The following RAB3C variants were observed in gnomAD, a reference collection of about 807,000 sequenced individuals.
RAB3C encodes ras-related protein Rab-3C.
A neutral mutation model predicts 26.4 loss-of-function variants in RAB3C; 17 were observed. The ratio of observed to expected loss-of-function variants is 0.64; its 90% CI spans 0.44 to 0.97. The LOEUF is 0.97. Ranked by LOEUF, RAB3C falls within the 50% of genes least tolerant of loss-of-function variation. RAB3C has a pLI of 0.00. For missense variants in RAB3C, 242 were observed against 281.9 expected (o/e 0.86, Z 1.01); for synonymous variants, 91 against 95.9 (o/e 0.95, Z 0.30).
At chr5:58,677,497 G>T (rs1425332441) in intron 2 of RAB3C, among the ~76,000 whole-genome samples, 1 of 152,140 alleles carries the variant, frequency 6.6e-6, no homozygotes, top group Non-Finnish European at 1.5e-5. Context: ...TAAGACAGGG[G>T]GAAGAATGCA....
At position 58,625,731 on chromosome 5, in the gene RAB3C, C is replaced by A. The variant is rs552004793; in HGVS notation, c.252+7861C>A. Among the ~76,000 whole-genome samples, 3 of 152,076 alleles carry A rather than the reference C, an allele frequency of 2.0e-5. No homozygotes were observed. The South Asian group carries it at 6.2e-4, about 32-fold the overall frequency. ...AATTAGCCGGGTGTTGTGGTGCACGCCTGTAATCCCAGCTACTTAGGAGGC... is the reference window on the plus strand; with the variant it reads ...AATTAGCCGGGTGTTGTGGTGCACGACTGTAATCCCAGCTACTTAGGAGGC... On this transcript the variant is annotated intron_variant, in intron 2 of 4. Transcript: ENST00000282878.
intron 2 of RAB3C, among the ~76,000 whole-genome samples, chr5:58,629,006 C>T (rs1229021888): frequency 2.0e-5 from 2 of 101,338 alleles, no homozygotes; most frequent in African/African-American, 7.9e-5. Context: ...GCTTGGGCAA[C>T]ATAGTGAGAC....
chr5:58,612,527 T>C (rs1266849254), intron 1 of RAB3C, among the ~76,000 whole-genome samples: 1 of 21,444 alleles, frequency 4.7e-5, no homozygotes, highest in Non-Finnish European at 9.2e-5. Flanking sequence ...TGTGTATATA[T>C]ATATATATAT....
chr5:58,604,141 C>T (rs969151640), intron 1 of RAB3C, among the ~76,000 whole-genome samples: 4 of 152,222 alleles, frequency 2.6e-5, no homozygotes, highest in African/African-American at 9.6e-5. Flanking sequence ...GTTGTCTGCA[C>T]AGAGTCCTGT....
In RAB3C at chr5:58,754,049, G is replaced by A. The variant is rs141912929; in HGVS notation, c.371+27929G>A. Among the ~76,000 whole-genome samples the A allele has an allele frequency of 8.2e-3, 1,252 of 152,236 alleles. 20 individuals carry two copies. Among genetic ancestry groups the A allele is most frequent in the African/African-American group, 0.028 (1,156 of 41,536 alleles). ...GGTTGGAAGTCGGAGACAGCAATAG[G>A]TGGAAGTGGGAGATTCTTCTATTTG... On this transcript the variant is annotated intron_variant, in intron 3 of 4. Transcript: ENST00000282878.
chr5:58,740,349 C>T (rs1249059934), intron 3 of RAB3C, among the ~76,000 whole-genome samples: 1 of 152,200 alleles, frequency 6.6e-6, no homozygotes, highest in East Asian at 1.9e-4. Flanking sequence ...AGCAGCCCCA[C>T]CCAGCCATCC....
intron 3 of RAB3C, among the ~76,000 whole-genome samples, chr5:58,822,041 A>G (rs1041522639): frequency 6.6e-6 from 1 of 152,136 alleles, no homozygotes; most frequent in Non-Finnish European, 1.5e-5. Context: ...CAACATTTCA[A>G]TATTTCTCTC....
At chr5:58,726,475 C>T (rs114171711) in intron 3 of RAB3C, among the ~76,000 whole-genome samples, 1,801 of 151,958 alleles carry the variant, frequency 0.012, 39 homozygotes, top group African/African-American at 0.039. Flanking sequence ...ATGGCTCTTG[C>T]GCCAAATCTG....
intron 3 of RAB3C, among the ~76,000 whole-genome samples, chr5:58,751,853 T>C (rs905050813): frequency 6.6e-6 from 1 of 152,232 alleles, no homozygotes; most frequent in African/African-American, 2.4e-5. Flanking sequence ...GGTCAGAGAA[T>C]TGTTGATTTT....
At chr5:58,810,494 G>A (rs1203462254) in intron 3 of RAB3C, among the ~76,000 whole-genome samples, 2 of 151,732 alleles carry the variant, frequency 1.3e-5, no homozygotes, top group Non-Finnish European at 2.9e-5. Flanking sequence ...CAAGAAGCCC[G>A]GTAATATTGG....
At chr5:58,650,018 AC>A (rs1486253476) in intron 2 of RAB3C, among the ~76,000 whole-genome samples, 1 of 152,118 alleles carries the variant, frequency 6.6e-6, no homozygotes, top group African/African-American at 2.4e-5. Flanking sequence ...TGCATTTCTG[AC>A]TTTCTGCCTT....
chr5:58,583,932 G>T (rs1246526151), intron 1 of RAB3C, among the ~76,000 whole-genome samples: 1 of 152,168 alleles, frequency 6.6e-6, no homozygotes, highest in Admixed American at 6.5e-5. Context: ...AAATGCAAAG[G>T]ACTCTGGTGC....
intron 3 of RAB3C, among the ~76,000 whole-genome samples, chr5:58,760,427 A>C (rs1741773412): frequency 6.6e-6 from 1 of 152,200 alleles, no homozygotes; most frequent in Non-Finnish European, 1.5e-5. Context: ...AAAAGTGCCT[A>C]CACCATAGGA....
chr5:58,717,367 C>G (rs1309887061), intron 2 of RAB3C, among the ~76,000 whole-genome samples: 2 of 152,090 alleles, frequency 1.3e-5, no homozygotes, highest in African/African-American at 2.4e-5. Context: ...GAAGGGAGGG[C>G]AGATGACTGT....
chr5:58,748,541 A>G (rs751932683), intron 3 of RAB3C, among the ~76,000 whole-genome samples: 1 of 152,104 alleles, frequency 6.6e-6, no homozygotes, highest in Non-Finnish European at 1.5e-5. Flanking sequence ...TCATACCTCT[A>G]ATTTCATTGG....
At chr5:58,721,291 T>C (rs1740754415) in intron 2 of RAB3C, among the ~76,000 whole-genome samples, 2 of 150,602 alleles carry the variant, frequency 1.3e-5, no homozygotes, top group South Asian at 4.2e-4. Context: ...GTATCACTCA[T>C]GGAAGAAAGT....
chr5:58,848,279 T>C (rs1744046081), intron 4 of RAB3C: 1 of 152,214 alleles, frequency 6.6e-6, no homozygotes, highest in Admixed American at 6.5e-5. Context: ...CCAAGAAAGA[T>C]TGTTTCATTT....
chr5:58,684,261 A>G (rs1748401690), intron 2 of RAB3C, among the ~76,000 whole-genome samples: 1 of 152,222 alleles, frequency 6.6e-6, no homozygotes, highest in African/African-American at 2.4e-5. Context: ...TGCGAATACT[A>G]TGCCATTTTA....
At chr5:58,774,240 A>G (rs544956370) in intron 3 of RAB3C, among the ~76,000 whole-genome samples, 10 of 152,258 alleles carry the variant, frequency 6.6e-5, no homozygotes, top group East Asian at 1.9e-4. Flanking sequence ...TATCAGATCT[A>G]TCCTTGCTTC....
Sources: allele counts gnomAD v4.1 joint callset (sites outside exome capture counted in the v4.1 genomes callset), GRCh38; gene constraint gnomAD v4.1.1; transcripts MANE v1.5; gene names NCBI Gene and HGNC (gene_info 2026-07-23, HGNC 2026-07-21).